RBFOX1: variants seen among roughly 807,000 people sequenced by gnomAD.
The protein encoded by RBFOX1 is RNA binding fox-1 homolog 1.
RBFOX1 carries 8 observed loss-of-function variants against 57.7 expected under a neutral mutation model. That is an observed-to-expected ratio of 0.14 (90% CI 0.08 to 0.25). The LOEUF (loss-of-function observed/expected upper bound fraction) is 0.25. RBFOX1 is among the 10% of genes least tolerant of loss of function. The pLI is 1.00. For synonymous variants in RBFOX1, 326 were observed against 222.4 expected (o/e 1.47, Z -4.15); for missense variants, 611 against 548.5 (o/e 1.11, Z -1.14).
intron 3 of RBFOX1, among the ~76,000 whole-genome samples, chr16:6,918,204 C>T (rs1052163487): frequency 1.3e-5 from 2 of 151,666 alleles, no homozygotes; most frequent in African/African-American, 4.8e-5. Flanking sequence ...ATCACTTGAA[C>T]CTGGGAGGTG....
intron 1 of RBFOX1, among the ~76,000 whole-genome samples, chr16:6,146,120 G>T (rs1255853864): frequency 6.6e-6 from 1 of 152,110 alleles, no homozygotes; most frequent in Non-Finnish European, 1.5e-5. Flanking sequence ...GCACCTTTCT[G>T]ACCCTTTATA....
chr16:5,392,567 C>G (rs942438097), intron 1 of RBFOX1, among the ~76,000 whole-genome samples: 1 of 149,028 alleles, frequency 6.7e-6, no homozygotes, highest in East Asian at 2.0e-4. Flanking sequence ...GAGACAGGGT[C>G]TCATCGTGTC....
At chr16:6,910,014 G>C (rs1392342310) in intron 3 of RBFOX1, among the ~76,000 whole-genome samples, 1 of 151,890 alleles carries the variant, frequency 6.6e-6, no homozygotes, top group Non-Finnish European at 1.5e-5. Context: ...TGTTTGGTTT[G>C]TTTACCTCTT....
chr16:5,696,346 T>C (rs2050841461), intron 3 of RBFOX1, among the ~76,000 whole-genome samples: 1 of 152,208 alleles, frequency 6.6e-6, no homozygotes, highest in Non-Finnish European at 1.5e-5. Context: ...TGCCAGTTTA[T>C]TCATTTTAAC....
intron 1 of RBFOX1, among the ~76,000 whole-genome samples, chr16:6,307,681 T>A (rs2079691534): frequency 6.8e-6 from 1 of 147,586 alleles, no homozygotes; most frequent in African/African-American, 2.4e-5. Context: ...ATTTATGTAT[T>A]TTTATAAATG....
At chr16:6,689,932 C>G (rs10492841) in intron 3 of RBFOX1, among the ~76,000 whole-genome samples, 6 of 152,096 alleles carry the variant, frequency 3.9e-5, no homozygotes, top group Admixed American at 6.5e-5. Flanking sequence ...GAATCAGCAA[C>G]GAAGAGGTGT....
chr16:5,340,951 G>A (rs2065018743), intron 1 of RBFOX1, among the ~76,000 whole-genome samples: 1 of 152,150 alleles, frequency 6.6e-6, no homozygotes. Flanking sequence ...GGGGTTCGGG[G>A]AAGTCTTCCT....
At chr16:6,730,402 C>T (rs11646081) in intron 3 of RBFOX1, among the ~76,000 whole-genome samples, 137,747 of 152,086 alleles carry the variant, frequency 0.91, 64,008 homozygotes, top group East Asian at 1. Context: ...ATCATCTGTG[C>T]ATCTGTCATC....
chr16:6,800,114 A>T (rs182761026), intron 3 of RBFOX1, among the ~76,000 whole-genome samples: 2 of 152,090 alleles, frequency 1.3e-5, no homozygotes, highest in African/African-American at 4.8e-5. Flanking sequence ...TCTTATGCAG[A>T]TGTATTATCG....
At chr16:7,412,982 C>T (rs1473122443) in intron 4 of RBFOX1, among the ~76,000 whole-genome samples, 1 of 152,072 alleles carries the variant, frequency 6.6e-6, no homozygotes, top group Non-Finnish European at 1.5e-5. Context: ...GCGGAGCTTG[C>T]AGTGAGCCAA....
chr16:5,777,808 C>T (rs189360795), intron 3 of RBFOX1, among the ~76,000 whole-genome samples: 1 of 152,276 alleles, frequency 6.6e-6, no homozygotes, highest in East Asian at 1.9e-4. Flanking sequence ...CCTCACTCTC[C>T]TACTTAGCTC....
chr16:7,698,752 A>G (rs1480265766), intron 14 of RBFOX1, among the ~76,000 whole-genome samples: 1 of 152,136 alleles, frequency 6.6e-6, no homozygotes, highest in African/African-American at 2.4e-5. Flanking sequence ...ATAATAGGGA[A>G]AGTACAGGGA....
At chr16:6,902,547 C>T (rs1038471611) in intron 3 of RBFOX1, among the ~76,000 whole-genome samples, 4 of 152,128 alleles carry the variant, frequency 2.6e-5, no homozygotes, top group African/African-American at 7.2e-5. Flanking sequence ...CATGGTAATG[C>T]CCTGTCACTA....
At chr16:7,378,638 G>C (rs1462968295) in intron 4 of RBFOX1, among the ~76,000 whole-genome samples, 3 of 152,098 alleles carry the variant, frequency 2.0e-5, no homozygotes, top group Non-Finnish European at 4.4e-5. Context: ...TTTGAAGAAT[G>C]CTTGGTACAA....
intron 3 of RBFOX1, among the ~76,000 whole-genome samples, chr16:6,969,731 C>T (rs1270765456): frequency 2.0e-5 from 3 of 151,730 alleles, no homozygotes. Context: ...GTGACAGAGC[C>T]AGACCCTGTC....
intron 2 of RBFOX1, among the ~76,000 whole-genome samples, chr16:6,369,929 T>C (rs1480216381): frequency 1.3e-5 from 2 of 152,212 alleles, no homozygotes; most frequent in Non-Finnish European, 2.9e-5. Flanking sequence ...ATAATGACCT[T>C]GATGGCAGTT....
At chr16:6,000,199 C>A (rs986291229) in intron 4 of RBFOX1, among the ~76,000 whole-genome samples, 9 of 152,094 alleles carry the variant, frequency 5.9e-5, no homozygotes, top group African/African-American at 2.2e-4. Flanking sequence ...TAGGGCAGTA[C>A]CTGGACAAGA....
chr16:7,142,499 C>T (rs1245365871), intron 4 of RBFOX1, among the ~76,000 whole-genome samples: 1 of 152,162 alleles, frequency 6.6e-6, no homozygotes, highest in Non-Finnish European at 1.5e-5. Context: ...TGTCCTACCC[C>T]TGAGTGTTTG....
At chr16:7,612,609 A>T (rs1016782304) in intron 10 of RBFOX1, among the ~76,000 whole-genome samples, 1 of 151,718 alleles carries the variant, frequency 6.6e-6, no homozygotes, top group African/African-American at 2.4e-5. Context: ...CTTCTAATAA[A>T]AAAATATATA....
Sources: gnomAD v4.1 joint callset for allele counts (sites outside exome capture counted in the v4.1 genomes callset) on GRCh38, gnomAD v4.1.1 for gene constraint, MANE v1.5 for transcripts, NCBI Gene and HGNC (gene_info 2026-07-23, HGNC 2026-07-21) for gene names.